The following ARHGAP17 variants were observed in gnomAD, a reference collection of about 807,000 sequenced individuals.
ARHGAP17 encodes Rho GTPase activating protein 17, also known as rho GTPase-activating protein 17.
ARHGAP17 carries 57 observed loss-of-function variants against 99.5 expected under a neutral mutation model. That is an observed-to-expected ratio of 0.57 (90% CI 0.46 to 0.71). The LOEUF is 0.71. Ranked by LOEUF, ARHGAP17 falls within the 30% of genes least tolerant of loss-of-function variation. ARHGAP17 has a pLI of 0.00. For missense variants in ARHGAP17, 1,000 were observed against 1,122.4 expected, an observed-to-expected ratio of 0.89 and a Z score of 1.56; for synonymous variants, 417 against 429.6, an observed-to-expected ratio of 0.97 and a Z score of 0.36.
At chr16:24,921,772 C>A (rs943607207) in intron 19 of ARHGAP17, among the ~76,000 whole-genome samples, 1 of 152,176 alleles carries the variant, frequency 6.6e-6, no homozygotes. Context: ...AGTTCAGGTG[C>A]TGAATGTCAT....
chr16:25,011,103 A>T (rs562729918), intron 1 of ARHGAP17, among the ~76,000 whole-genome samples: 8 of 152,186 alleles, frequency 5.3e-5, no homozygotes, highest in Non-Finnish European at 1.0e-4. Context: ...CATCTCCCCA[A>T]AAACACCATT....
At chr16:24,926,109 G>GAA (rs1175708408) in intron 19 of ARHGAP17, among the ~76,000 whole-genome samples, 6,917 of 106,996 alleles carry the variant, frequency 0.065, 792 homozygotes, top group African/African-American at 0.22. Flanking sequence ...GACTCCGTCT[G>GAA]AAAAAAAAAA....
chr16:24,988,438 T>C (rs1597461820), intron 1 of ARHGAP17, among the ~76,000 whole-genome samples: 2 of 152,108 alleles, frequency 1.3e-5, no homozygotes, highest in Admixed American at 1.3e-4. Context: ...GTGGGAAAAA[T>C]AGATCTAATA....
At chr16:24,968,234 C>T in intron 6 of ARHGAP17, 117 bp downstream of exon 6, 2 of 1,181,216 alleles carry the variant, frequency 1.7e-6, no homozygotes, top group Non-Finnish European at 2.5e-6. Flanking sequence ...GGCTGGCACC[C>T]AGTCTGGGGG....
chr16:24,987,920 T>A (rs959831550), intron 1 of ARHGAP17, among the ~76,000 whole-genome samples: 1 of 152,240 alleles, frequency 6.6e-6, no homozygotes, highest in Non-Finnish European at 1.5e-5. Context: ...CTGAATATTG[T>A]ATGTAGGGTA....
intron 6 of ARHGAP17, among the ~76,000 whole-genome samples, chr16:24,965,818 G>A (rs573400883): frequency 6.6e-6 from 1 of 152,332 alleles, no homozygotes; most frequent in East Asian, 1.9e-4. Flanking sequence ...AGGAGGAAAA[G>A]CGAGAAAAAT....
chr16:24,939,127 C>T (rs868862814), intron 17 of ARHGAP17, among the ~76,000 whole-genome samples: 1 of 152,216 alleles, frequency 6.6e-6, no homozygotes, highest in African/African-American at 2.4e-5. Context: ...CGGTTTCCAG[C>T]ACCAAAGCAG....
At chr16:24,934,917 A>C (rs2051093981) in intron 18 of ARHGAP17, among the ~76,000 whole-genome samples, 1 of 152,314 alleles carries the variant, frequency 6.6e-6, no homozygotes, top group East Asian at 1.9e-4. Flanking sequence ...CTCTGGGCTC[A>C]GAGGTAGGCC....
intron 1 of ARHGAP17, among the ~76,000 whole-genome samples, chr16:24,981,077 A>G (rs2052662005): frequency 6.6e-6 from 1 of 152,252 alleles, no homozygotes; most frequent in Admixed American, 6.5e-5. Flanking sequence ...CAGATGTGGG[A>G]AAGTTAGTAA....
chr16:24,943,742 G>T, intron 15 of ARHGAP17, 29 bp downstream of exon 15: 1 of 1,586,310 alleles, frequency 6.3e-7, no homozygotes, highest in Non-Finnish European at 8.7e-7. Flanking sequence ...CATTGCTTTG[G>T]CGGTCAATGA....
intron 14 of ARHGAP17, among the ~76,000 whole-genome samples, chr16:24,945,060 G>A (rs542954789): frequency 1.2e-4 from 19 of 152,004 alleles, no homozygotes; most frequent in African/African-American, 2.7e-4. Context: ...TAGGCCAGAC[G>A]CAGTGGCTCA....
chr16:25,000,213 A>C (rs1162452859), intron 1 of ARHGAP17, among the ~76,000 whole-genome samples: 1 of 152,212 alleles, frequency 6.6e-6, no homozygotes, highest in Admixed American at 6.5e-5. Flanking sequence ...CTAATCGCCA[A>C]GAAAGCCAAT....
chr16:24,959,769 A>G lies in ARHGAP17; in HGVS notation c.643-17T>C. ...TTCTAATAACTGAGAACAGACCCAC[A>G]TTCAAAAACAAAAGTAACGTTAGCA... On this transcript the variant is annotated splice_polypyrimidine_tract_variant and intron_variant, in intron 8 of 19. Transcript: ENST00000289968. 6.2e-7 allele frequency: 1 copy of G among 1,613,154 alleles called. No individual in the cohort carries two copies. Among genetic ancestry groups the G allele is most frequent in the Non-Finnish European group, 8.5e-7 (1 of 1,179,434 alleles).
At chr16:24,942,212 C>G in intron 15 of ARHGAP17, 69 bp from the exon 16 acceptor site, 1 of 1,482,154 alleles carries the variant, frequency 6.7e-7, no homozygotes, top group Non-Finnish European at 9.1e-7. Context: ...CTAAGACACC[C>G]CTCATTGGAA....
At chr16:24,978,904 T>A in intron 2 of ARHGAP17, 62 bp downstream of exon 2, 5 of 1,193,942 alleles carry the variant, frequency 4.2e-6, no homozygotes, top group Non-Finnish European at 5.8e-6. Context: ...GCCTCAATTC[T>A]CACATAGGAA....
chr16:25,010,422 C>T lies in ARHGAP17; in HGVS notation c.53+4787G>A, dbSNP rs192971270. 6.6e-5 allele frequency among the ~76,000 whole-genome samples: 10 copies of T among 152,228 alleles called. No homozygotes were observed. In the East Asian group the frequency reaches 9.6e-4, roughly 15 times the overall value. The stretch of plus-strand genomic sequence containing the variant: ...GAGAGAAGTTATCATTGTCAGGAGA[C>T]GAAATCCAAGCCAGGTGGTTTAGTA... On this transcript the variant is annotated intron_variant, in intron 1 of 19. Coordinates refer to ENST00000289968, the MANE Select transcript of ARHGAP17 (RefSeq NM_001006634.3).
chr16:24,921,484 C>T (rs756694685), intron 19 of ARHGAP17, among the ~76,000 whole-genome samples: 14 of 152,132 alleles, frequency 9.2e-5, no homozygotes, highest in African/African-American at 1.9e-4. Flanking sequence ...CTGTCCTTGA[C>T]GGGAGCTAGT....
At chr16:25,015,164 C>T in intron 1 of ARHGAP17, 45 bp downstream of exon 1, 1 of 1,245,484 alleles carries the variant, frequency 8.0e-7, no homozygotes, top group Non-Finnish European at 1.0e-6. Flanking sequence ...CTCCGCCCTC[C>T]GCCCCCAGCC....
intron 9 of ARHGAP17, chr16:24,956,018 T>G (rs1217793670): frequency 2.6e-5 from 4 of 152,204 alleles, no homozygotes; most frequent in Non-Finnish European, 4.4e-5. Flanking sequence ...AAAACGCATC[T>G]GGGGGTCTGG....
Sources: allele counts gnomAD v4.1 joint callset (sites outside exome capture counted in the v4.1 genomes callset), GRCh38; gene constraint gnomAD v4.1.1; transcripts MANE v1.5; gene names NCBI Gene and HGNC (gene_info 2026-07-23, HGNC 2026-07-21).